Variants in DTNA observed in about 807,000 individuals in gnomAD.
DTNA encodes the protein dystrobrevin alpha, also known as dystrophin-related protein 3.
In DTNA, 43 loss-of-function variants were observed where a neutral mutation model predicts 100.7. The observed-to-expected ratio is 0.43, with a 90% CI of 0.33 to 0.55. DTNA has a LOEUF of 0.55. Ranked by LOEUF, DTNA falls within the 20% of genes least tolerant of loss-of-function variation. The pLI, the probability that DTNA is intolerant of heterozygous loss-of-function variation, is 0.04. For synonymous variants in DTNA, 349 were observed against 347.9 expected (o/e 1.00, Z -0.04); for missense variants, 798 against 953.9 (o/e 0.84, Z 2.15).
chr18:34,530,483 C>G (rs1014357844), intron 1 of DTNA, among the ~76,000 whole-genome samples: 1 of 152,054 alleles, frequency 6.6e-6, no homozygotes, highest in Non-Finnish European at 1.5e-5. Context: ...TCTCTTCTCA[C>G]AAATACTTGT....
intron 2 of DTNA, among the ~76,000 whole-genome samples, chr18:34,758,081 A>G (rs966868709): frequency 6.6e-6 from 1 of 152,204 alleles, no homozygotes; most frequent in African/African-American, 2.4e-5. Context: ...CTGTCATACA[A>G]AAGAGAAAGG....
intron 1 of DTNA, among the ~76,000 whole-genome samples, chr18:34,553,234 T>C (rs2045647214): frequency 6.6e-6 from 1 of 151,978 alleles, no homozygotes; most frequent in Non-Finnish European, 1.5e-5. Context: ...TGTTTGTTTT[T>C]TTTCTTGTAA....
At chr18:34,874,726 A>C (rs2096798243) in intron 17 of DTNA, among the ~76,000 whole-genome samples, 1 of 152,170 alleles carries the variant, frequency 6.6e-6, no homozygotes, top group Non-Finnish European at 1.5e-5. Flanking sequence ...AACAATTTAC[A>C]CTTCATTTGA....
chr18:34,678,548 T>C (rs1025423140), intron 1 of DTNA, among the ~76,000 whole-genome samples: 2 of 152,172 alleles, frequency 1.3e-5, no homozygotes, highest in Non-Finnish European at 2.9e-5. Flanking sequence ...TAACATGAGA[T>C]TTCCTAAGCT....
chr18:34,702,132 C>T (rs1437780861), intron 1 of DTNA, among the ~76,000 whole-genome samples: 1 of 152,168 alleles, frequency 6.6e-6, no homozygotes, highest in Non-Finnish European at 1.5e-5. Flanking sequence ...TTCCTGCATT[C>T]CTCCATCACA....
chr18:34,564,238 G>A (rs550838923), intron 1 of DTNA, among the ~76,000 whole-genome samples: 84 of 152,214 alleles, frequency 5.5e-4, no homozygotes, highest in African/African-American at 1.9e-3. Context: ...CACCTTCTGG[G>A]TTAAAGTGAT....
rs536602629 is a variant in DTNA at position 34,865,573 on chromosome 18, TG to T, written c.1743+1514del. Among the ~76,000 whole-genome samples, 78 of 152,332 alleles carry T rather than the reference TG, an allele frequency of 5.1e-4. 2 individuals carry two copies. The East Asian group carries it at 0.014, about 28-fold the overall frequency. ...GAATTCAATTCTTGTTGATCTATCTTGGGTAAGACAAGACTAGATAGTTCAT... is the reference window on the plus strand; with the variant it reads ...GAATTCAATTCTTGTTGATCTATCTTGGTAAGACAAGACTAGATAGTTCAT... On this transcript the variant is annotated intron_variant, in intron 17 of 22. Coordinates refer to ENST00000444659, the MANE Select transcript of DTNA (RefSeq NM_001386795.1).
At chr18:34,704,382 G>A (rs1447422845) in intron 1 of DTNA, among the ~76,000 whole-genome samples, 1 of 152,150 alleles carries the variant, frequency 6.6e-6, no homozygotes, top group Non-Finnish European at 1.5e-5. Context: ...TTTAGAATGT[G>A]TACTGTGCTG....
intron 1 of DTNA, among the ~76,000 whole-genome samples, chr18:34,666,269 G>GT (rs1158533789): frequency 0.035 from 5,231 of 148,324 alleles, 273 homozygotes; most frequent in African/African-American, 0.12. Context: ...TGATGGGGTT[G>GT]TTTTTTTTTT....
At chr18:34,687,234 A>T (rs1420899252) in intron 1 of DTNA, among the ~76,000 whole-genome samples, 1 of 152,112 alleles carries the variant, frequency 6.6e-6, no homozygotes, top group African/African-American at 2.4e-5. Context: ...TTGTGATGTT[A>T]AGGTGTCAAT....
chr18:34,539,787 T>C lies in DTNA; in HGVS notation c.-2+46273T>C, dbSNP rs1416207257. ...TCTGTTAAAGAAAGAAGTCCATGAA[T>C]TGGAATCTGTTGTCTTTATGTTTTT... is the stretch of plus-strand genomic sequence containing the variant. On this transcript the variant is annotated intron_variant, in intron 1 of 19. Coordinates refer to the DTNA transcript ENST00000283365. Among the ~76,000 whole-genome samples, 3 of 151,962 alleles carry C rather than the reference T, an allele frequency of 2.0e-5. No homozygotes were observed. In the East Asian group the frequency reaches 5.8e-4, roughly 29 times the overall value.
chr18:34,705,184 T>A (rs1320438520), intron 1 of DTNA, among the ~76,000 whole-genome samples: 3 of 152,222 alleles, frequency 2.0e-5, no homozygotes, highest in African/African-American at 7.2e-5. Flanking sequence ...TTCCATTTTG[T>A]TTCCCACAGA....
intron 1 of DTNA, among the ~76,000 whole-genome samples, chr18:34,605,766 A>T (rs895257828): frequency 6.6e-6 from 1 of 152,060 alleles, no homozygotes; most frequent in Non-Finnish European, 1.5e-5. Flanking sequence ...GGTTGACTGG[A>T]TCCTTTCTTT....
intron 17 of DTNA, among the ~76,000 whole-genome samples, chr18:34,875,011 T>A (rs2096801030): frequency 6.6e-6 from 1 of 152,236 alleles, no homozygotes; most frequent in South Asian, 2.1e-4. Context: ...AATGCTGTAC[T>A]AATAGTTTTA....
At chr18:34,605,253 T>C (rs1283977215) in intron 1 of DTNA, among the ~76,000 whole-genome samples, 1 of 152,126 alleles carries the variant, frequency 6.6e-6, no homozygotes, top group African/African-American at 2.4e-5. Context: ...GGTTTAGAAC[T>C]ATAATAATTA....
intron 21 of DTNA, among the ~76,000 whole-genome samples, chr18:34,882,789 A>G (rs1250623422): frequency 6.6e-6 from 1 of 152,256 alleles, no homozygotes; most frequent in African/African-American, 2.4e-5. Flanking sequence ...CCATTAAGAA[A>G]GATGCTTTTT....
chr18:34,742,556 C>T (rs1373326848), intron 1 of DTNA, among the ~76,000 whole-genome samples: 3 of 139,282 alleles, frequency 2.2e-5, no homozygotes, highest in African/African-American at 8.3e-5. Flanking sequence ...TAATCACATC[C>T]ACAAAGTCCC....
At chr18:34,694,467 A>C (rs2080231219) in intron 1 of DTNA, among the ~76,000 whole-genome samples, 2 of 152,328 alleles carry the variant, frequency 1.3e-5, no homozygotes, top group South Asian at 4.1e-4. Context: ...TACAGAGTTT[A>C]TTTTAGTGAA....
chr18:34,872,164 C>G (rs1389649315), intron 17 of DTNA, among the ~76,000 whole-genome samples: 1 of 152,124 alleles, frequency 6.6e-6, no homozygotes, highest in East Asian at 1.9e-4. Flanking sequence ...GCAAAAGTTG[C>G]CTTTGAGACC....
Sources: gnomAD v4.1 joint callset for allele counts (sites outside exome capture counted in the v4.1 genomes callset) on GRCh38, gnomAD v4.1.1 for gene constraint, MANE v1.5 for transcripts, NCBI Gene and HGNC (gene_info 2026-07-23, HGNC 2026-07-21) for gene names.